Variants in CABYR observed in about 807,000 individuals in gnomAD.
The protein encoded by CABYR is calcium-binding tyrosine phosphorylation-regulated protein.
In CABYR, 31 loss-of-function variants were observed where a neutral mutation model predicts 36.1. The ratio of observed to expected loss-of-function variants is 0.86; its 90% CI spans 0.64 to 1.16. CABYR has a LOEUF of 1.16. Ranked by LOEUF, CABYR falls within the 50% of genes most tolerant of loss-of-function variation. The probability of loss-of-function intolerance (pLI) is 0.00; values close to 1 mark genes in which losing one functional copy is unlikely to be tolerated. For synonymous variants in CABYR, 146 were observed against 160.7 expected, an observed-to-expected ratio of 0.91 and a Z score of 0.69; for missense variants, 429 against 455.8, an observed-to-expected ratio of 0.94 and a Z score of 0.53.
intron 3 of CABYR, among the ~76,000 whole-genome samples, chr18:24,147,177 C>A (rs555692528): frequency 5.7e-5 from 8 of 140,548 alleles, no homozygotes; most frequent in Non-Finnish European, 1.2e-4. Flanking sequence ...CACCTGTAGT[C>A]GTGGATATTC....
At position 24,159,884 on chromosome 18, in the gene CABYR, A is replaced by G; in HGVS notation, c.954A>G (p.Pro318=). 6.2e-7 allele frequency: 1 copy of G among 1,614,146 alleles called. No individual in the cohort carries two copies. The highest frequency in any genetic ancestry group is 8.5e-7 in the Non-Finnish European group (1 of 1,180,036). Residue 318 remains proline (P), a synonymous_variant, in exon 5 of 6, where the codon CCA becomes CCG. Transcript: ENST00000399496. Reference sequence around the variant, plus strand: ...TAAGTCCCCAGAATGCTAATCCTCCAAGTGGACAAGATGTCCCCAGGCCAA... The same window carrying G: ...TAAGTCCCCAGAATGCTAATCCTCCGAGTGGACAAGATGTCCCCAGGCCAA... The part of the protein sequence containing the change: ...HTLSPQNANP[P]SGQDVPRPKS...
At chr18:24,149,617 G>A (rs920147998) in intron 3 of CABYR, among the ~76,000 whole-genome samples, 1 of 152,214 alleles carries the variant, frequency 6.6e-6, no homozygotes, top group African/African-American at 2.4e-5. Flanking sequence ...GGTGCTCATC[G>A]GGGAGGCTCG....
At chr18:24,151,953 G>T (rs1335941692) in intron 3 of CABYR, among the ~76,000 whole-genome samples, 1 of 152,124 alleles carries the variant, frequency 6.6e-6, no homozygotes, top group Non-Finnish European at 1.5e-5. Context: ...GCCTCCCAAA[G>T]TGCTGGGATT....
intron 1 of CABYR, among the ~76,000 whole-genome samples, chr18:24,141,844 TA>T (rs1202613474): frequency 6.6e-6 from 1 of 151,852 alleles, no homozygotes; most frequent in East Asian, 1.9e-4. Flanking sequence ...AGGGGAAACA[TA>T]AGGGAAAATT....
rs10715707 is a variant in CABYR, at chr18:24,150,783, GTTTTTTTT to G, written c.200-4910_200-4903del. 8.7e-3 allele frequency among the ~76,000 whole-genome samples: 993 copies of G among 113,592 alleles called. 9 individuals are homozygous for G. The highest frequency in any genetic ancestry group is 0.031 in the African/African-American group (967 of 31,122). The allele number at this position is 113,592 out of a possible 152,430, so 74.5% of individuals were successfully genotyped here. On this transcript the variant is annotated intron_variant, in intron 3 of 5. Coordinates refer to ENST00000399496, the MANE Select transcript of CABYR (RefSeq NM_153769.3). ...CAGTTTTTTTGTTTTTTTGTTTTTT[GTTTTTTTT>G]TTTTTTTGAGACGGAGTCTCACTCT...
At chr18:24,152,218 A>G (rs4800555) in intron 3 of CABYR, among the ~76,000 whole-genome samples, 148,853 of 152,300 alleles carry the variant, frequency 0.98, 72,831 homozygotes, top group East Asian at 1. Context: ...TTTCTGTATC[A>G]CTTTTTAAAT....
At chr18:24,153,503 T>C (rs974999403) in intron 3 of CABYR, among the ~76,000 whole-genome samples, 1 of 152,094 alleles carries the variant, frequency 6.6e-6, no homozygotes, top group Non-Finnish European at 1.5e-5. Context: ...CCTTTACCAG[T>C]ACGTTAAGAT....
chr18:24,143,716 G>T (rs2085386720), intron 3 of CABYR, among the ~76,000 whole-genome samples: 1 of 151,942 alleles, frequency 6.6e-6, no homozygotes, highest in Admixed American at 6.6e-5. Flanking sequence ...ATAAATTTTT[G>T]ATAGTGATGG....
chr18:24,151,606 T>C (rs902101239), intron 3 of CABYR, among the ~76,000 whole-genome samples: 22 of 152,176 alleles, frequency 1.4e-4, no homozygotes, highest in African/African-American at 5.1e-4. Flanking sequence ...ACATTATATG[T>C]GTATAGTAAC....
At chr18:24,156,803 G>A (rs1458047302) in intron 4 of CABYR, 4 of 1,614,034 alleles carry the variant, frequency 2.5e-6, no homozygotes, top group Non-Finnish European at 3.4e-6. Flanking sequence ...CTGGGCAGGA[G>A]GAGTCTGGGG....
rs1293574203 is a variant in CABYR at position 24,144,893 on chromosome 18, A to G, written c.199+1480A>G. 2.6e-5 allele frequency among the ~76,000 whole-genome samples: 4 copies of G among 152,258 alleles called. No homozygotes were observed. In the East Asian group the frequency reaches 7.7e-4, roughly 29 times the overall value. On this transcript the variant is annotated intron_variant, in intron 3 of 5. Coordinates refer to ENST00000399496, the MANE Select transcript of CABYR (RefSeq NM_153769.3). ...AAGATGAGATCAGTTAGAGAAAGTA[A>G]TACTTTTCTGGCATATCTAAGTCAC...
Position 24,143,132 on chromosome 18 carries a change from C to T in CABYR, c.18C>T (p.Pro6=). The T allele has an allele frequency of 6.2e-7, 1 of 1,610,214 alleles. No homozygotes were observed. The highest frequency in any genetic ancestry group is 8.5e-7 in the Non-Finnish European group (1 of 1,178,832). ...CTGCCAAAATGATTTCTTCAAAGCC[C>T]AGACTTGTCGTACCCTATGGCCTCA... The part of the protein sequence containing the change: MISSK[P]RLVVPYGLKT... The change falls in exon 2 of 6, where the codon CCC becomes CCT. Residue 6 remains proline, a synonymous_variant. Transcript: ENST00000399496.
chr18:24,145,223 T>C (rs1316690919), intron 3 of CABYR, among the ~76,000 whole-genome samples: 1 of 152,236 alleles, frequency 6.6e-6, no homozygotes, highest in Non-Finnish European at 1.5e-5. Flanking sequence ...TTCCAGATGC[T>C]GTGCTAGGTG....
At chr18:24,155,524 G>C (rs531288050) in intron 3 of CABYR, among the ~76,000 whole-genome samples, 177 bp from the exon 4 acceptor site, 2 of 151,984 alleles carry the variant, frequency 1.3e-5, no homozygotes, top group African/African-American at 4.8e-5. Context: ...GGGTCTCACT[G>C]TTGCCCAGGC....
chr18:24,150,649 A>G (rs1449984861), intron 3 of CABYR: 6 of 712,540 alleles, frequency 8.4e-6, no homozygotes, highest in Non-Finnish European at 1.0e-5. Flanking sequence ...CATTCCAATC[A>G]GTTCAATACA....
At chr18:24,143,036 A>AAC in intron 1 of CABYR, 55 bp from the exon 2 acceptor site, 1 of 1,329,890 alleles carries the variant, frequency 7.5e-7, no homozygotes, top group Non-Finnish European at 1.0e-6. Context: ...AAAAAAAAAA[A>AAC]AAAAAACCTA....
intron 3 of CABYR, among the ~76,000 whole-genome samples, chr18:24,149,536 C>T (rs1220544850): frequency 2.0e-5 from 3 of 152,246 alleles, no homozygotes; most frequent in Non-Finnish European, 4.4e-5. Context: ...GCCTGCCAGT[C>T]CTGGTGCCGT....
intron 4 of CABYR, among the ~76,000 whole-genome samples, chr18:24,158,857 C>A (rs1336421618): frequency 6.6e-6 from 1 of 152,042 alleles, no homozygotes; most frequent in Non-Finnish European, 1.5e-5. Flanking sequence ...CCAAAGAATC[C>A]CTGTGGGACC....
intron 3 of CABYR, chr18:24,152,948 T>C (rs1298163695): frequency 1.3e-5 from 2 of 152,348 alleles, no homozygotes; most frequent in East Asian, 3.8e-4. Context: ...GTTGCTTTCA[T>C]TACCTTCACT....
Sources: allele counts gnomAD v4.1 joint callset (sites outside exome capture counted in the v4.1 genomes callset), GRCh38; gene constraint gnomAD v4.1.1; transcripts MANE v1.5; gene names NCBI Gene and HGNC (gene_info 2026-07-23, HGNC 2026-07-21).